Variants in CDK14 observed in about 807,000 individuals in gnomAD.
The protein encoded by CDK14 is cyclin dependent kinase 14, also known as cyclin-dependent kinase 14.
CDK14 carries 34 observed loss-of-function variants against 60.7 expected under a neutral mutation model. The observed-to-expected ratio is 0.56, with a 90% confidence interval of 0.43 to 0.75. CDK14 has a LOEUF of 0.75. Among genes scored for constraint, CDK14 ranks in the 30% least tolerant of loss-of-function variants. The pLI is 0.00. For synonymous variants in CDK14, 197 were observed against 203.7 expected (o/e 0.97, Z 0.28); for missense variants, 482 against 564.1 (o/e 0.85, Z 1.47).
rs528587475 is a variant in CDK14 at position 90,701,016 on chromosome 7, C to T, written c.124-25551C>T. 1.1e-4 allele frequency among the ~76,000 whole-genome samples: 16 copies of T among 152,288 alleles called. No homozygotes were observed. In the South Asian group the frequency reaches 3.3e-3, roughly 32 times the overall value. ...AGTTTACTTTACAATGTCTTCTTAG[C>T]ACTTTCTTTACATATTCCACAAATC... On this transcript the variant is annotated intron_variant, in intron 2 of 14. Transcript: ENST00000380050.
intron 14 of CDK14, among the ~76,000 whole-genome samples, chr7:91,132,411 A>G (rs997249691): frequency 4.6e-5 from 7 of 152,274 alleles, no homozygotes; most frequent in Admixed American, 3.9e-4. Context: ...AGACACGCGC[A>G]GAGAAAGTCA....
chr7:91,185,596 G>A (rs1214676443), intron 14 of CDK14, among the ~76,000 whole-genome samples: 1 of 151,832 alleles, frequency 6.6e-6, no homozygotes, highest in East Asian at 1.9e-4. Context: ...TATAAAATGG[G>A]CAAGTTACTC....
intron 14 of CDK14, among the ~76,000 whole-genome samples, chr7:91,187,658 A>G (rs752724635): frequency 5.9e-5 from 9 of 152,204 alleles, no homozygotes; most frequent in Non-Finnish European, 1.2e-4. Flanking sequence ...AGAAAGAGAA[A>G]GGAGAACAGC....
At chr7:90,683,897 CGTGT>C (rs35197919) in intron 2 of CDK14, among the ~76,000 whole-genome samples, 2,991 of 145,712 alleles carry the variant, frequency 0.021, 63 homozygotes, top group African/African-American at 0.048. Context: ...AGAAAATGTA[CGTGT>C]GTGTGTGTGT....
Position 90,977,144 on chromosome 7 carries a change from C to T in CDK14, c.948-7004C>T, listed in dbSNP as rs117796017. Among the ~76,000 whole-genome samples, 38 of 152,152 alleles carry T rather than the reference C, an allele frequency of 2.5e-4. No homozygotes were observed. In the East Asian group the frequency reaches 5.4e-3, roughly 22 times the overall value. ...GCGTGGGAATCTAGTTTTGTTCTTC[C>T]GGATAAGAATATCCAATTTTCCCAG... On this transcript the variant is annotated intron_variant, in intron 9 of 14. Coordinates refer to ENST00000380050, the MANE Select transcript of CDK14 (RefSeq NM_001287135.2).
intron 5 of CDK14, among the ~76,000 whole-genome samples, chr7:90,800,580 AC>A (rs1363563495): frequency 1.3e-5 from 2 of 152,066 alleles, no homozygotes; most frequent in African/African-American, 4.8e-5. Flanking sequence ...TTTTTCATTA[AC>A]CATACCATTT....
chr7:90,891,871 T>G (rs1034093781), intron 6 of CDK14, among the ~76,000 whole-genome samples: 5 of 152,336 alleles, frequency 3.3e-5, no homozygotes, highest in Non-Finnish European at 7.4e-5. Context: ...AAGGGAAAAG[T>G]CTAGTTTGAA....
intron 2 of CDK14, among the ~76,000 whole-genome samples, chr7:90,688,060 C>T (rs1228732485): frequency 1.3e-5 from 2 of 152,000 alleles, no homozygotes; most frequent in East Asian, 1.9e-4. Flanking sequence ...TAAATCAATA[C>T]GAATAATATT....
In CDK14 at chr7:90,866,257, C is replaced by A. The variant is rs191045625; in HGVS notation, c.639+2988C>A. On this transcript the variant is annotated intron_variant, in intron 6 of 14. Transcript: ENST00000380050. ...ATACACACACACACACACACACACACACACACACACACACACAGAACTTTG... is the reference window on the plus strand; with the variant it reads ...ATACACACACACACACACACACACAAACACACACACACACACAGAACTTTG... Among the ~76,000 whole-genome samples, 240 of 151,622 alleles carry A rather than the reference C, an allele frequency of 1.6e-3. 1 individual carries two copies. Among genetic ancestry groups the A allele is most frequent in the African/African-American group, 5.7e-3 (234 of 41,372 alleles).
chr7:91,127,154 T>G (rs1799974625), intron 14 of CDK14, among the ~76,000 whole-genome samples: 1 of 152,148 alleles, frequency 6.6e-6, no homozygotes, highest in Non-Finnish European at 1.5e-5. Flanking sequence ...ATTGATTTCA[T>G]GTATAATTTG....
chr7:90,752,566 A>C lies in CDK14; in HGVS notation c.464+4791A>C, dbSNP rs1431638092. Among the ~76,000 whole-genome samples, 4 of 152,268 alleles carry C rather than the reference A, an allele frequency of 2.6e-5. No homozygotes were observed. The East Asian group carries it at 7.7e-4, about 29-fold the overall frequency. On this transcript the variant is annotated intron_variant, in intron 4 of 14. Coordinates refer to ENST00000380050, the MANE Select transcript of CDK14 (RefSeq NM_001287135.2). ...AAATGGCTACCTAAAAAAATTAGAAAGATCTTAAATTAACTAACATCACTC... is the reference window on the plus strand; with the variant it reads ...AAATGGCTACCTAAAAAAATTAGAACGATCTTAAATTAACTAACATCACTC...
At chr7:91,176,590 G>A (rs1306519159) in intron 14 of CDK14, among the ~76,000 whole-genome samples, 1 of 151,814 alleles carries the variant, frequency 6.6e-6, no homozygotes, top group African/African-American at 2.4e-5. Context: ...AAAGAGAGAA[G>A]AATCAAATAG....
chr7:90,670,457 A>G (rs543950623), intron 2 of CDK14, among the ~76,000 whole-genome samples: 1 of 152,288 alleles, frequency 6.6e-6, no homozygotes, highest in East Asian at 1.9e-4. Context: ...CTATTCTTGC[A>G]TTGCTATAAA....
intron 2 of CDK14, among the ~76,000 whole-genome samples, chr7:90,697,010 G>A (rs1801675063): frequency 6.6e-6 from 1 of 152,126 alleles, no homozygotes; most frequent in Admixed American, 6.5e-5. Flanking sequence ...CCATTGAGGA[G>A]GCTTGCTGAC....
At chr7:90,809,203 T>C (rs752852357) in intron 5 of CDK14, among the ~76,000 whole-genome samples, 29 of 152,142 alleles carry the variant, frequency 1.9e-4, no homozygotes, top group African/African-American at 5.1e-4. Context: ...TATTCCAAAA[T>C]TGACCACATA....
At chr7:91,037,439 G>C (rs1164605698) in intron 10 of CDK14, among the ~76,000 whole-genome samples, 1 of 152,150 alleles carries the variant, frequency 6.6e-6, no homozygotes, top group Non-Finnish European at 1.5e-5. Flanking sequence ...GCATGTGTGT[G>C]TTGAATGTGA....
chr7:90,841,693 G>A (rs1057371975), intron 5 of CDK14, among the ~76,000 whole-genome samples: 2 of 35,274 alleles, frequency 5.7e-5, no homozygotes, highest in African/African-American at 1.8e-4. Flanking sequence ...CACACACACA[G>A]GTGTCAGCTT....
chr7:91,136,393 T>C (rs1312717942), intron 14 of CDK14, among the ~76,000 whole-genome samples: 1 of 152,184 alleles, frequency 6.6e-6, no homozygotes, highest in African/African-American at 2.4e-5. Context: ...GATTTGAGCG[T>C]TACTGCCCAT....
At chr7:91,125,687 A>G (rs1799922430) in intron 14 of CDK14, among the ~76,000 whole-genome samples, 1 of 152,162 alleles carries the variant, frequency 6.6e-6, no homozygotes, top group Non-Finnish European at 1.5e-5. Flanking sequence ...AGAAAAAAAA[A>G]TACAAAAGTT....
Sources: gnomAD v4.1 joint callset for allele counts (sites outside exome capture counted in the v4.1 genomes callset) on GRCh38, gnomAD v4.1.1 for gene constraint, MANE v1.5 for transcripts, NCBI Gene and HGNC (gene_info 2026-07-23, HGNC 2026-07-21) for gene names.